ZCWPW2: variants seen among roughly 807,000 people sequenced by gnomAD.
The protein encoded by ZCWPW2 is zinc finger CW-type PWWP domain protein 2.
A neutral mutation model predicts 46.6 loss-of-function variants in ZCWPW2; 45 were observed. The ratio of observed to expected loss-of-function variants is 0.96; its 90% CI spans 0.76 to 1.24. The LOEUF is 1.24. Ranked by LOEUF, ZCWPW2 falls within the 50% of genes most tolerant of loss-of-function variation. The pLI is 0.00. For missense variants in ZCWPW2, 429 were observed against 403.9 expected (o/e 1.06, Z -0.53); for synonymous variants, 152 against 137.1 (o/e 1.11, Z -0.76).
At chr3:28,367,481 C>T (rs926405096) in intron 1 of ZCWPW2, among the ~76,000 whole-genome samples, 1 of 152,162 alleles carries the variant, frequency 6.6e-6, no homozygotes, top group Non-Finnish European at 1.5e-5. Flanking sequence ...ATCCTGAGTT[C>T]TAGTTTGATT....
intron 3 of ZCWPW2, among the ~76,000 whole-genome samples, chr3:28,430,224 G>A (rs138689279): frequency 1.3e-5 from 2 of 152,338 alleles, no homozygotes; most frequent in Admixed American, 1.3e-4. Flanking sequence ...GCCCAAGGCT[G>A]TGGGAGCCCA....
At chr3:28,451,709 C>T (rs1227183017) in intron 4 of ZCWPW2, among the ~76,000 whole-genome samples, 4 of 152,150 alleles carry the variant, frequency 2.6e-5, no homozygotes, top group African/African-American at 9.7e-5. Context: ...GATCCCAATT[C>T]TAAGATGTAG....
intron 5 of ZCWPW2, among the ~76,000 whole-genome samples, chr3:28,484,616 A>G (rs1024848037): frequency 1.3e-5 from 2 of 151,988 alleles, no homozygotes; most frequent in South Asian, 2.1e-4. Context: ...GGGATTTGTT[A>G]TAATGTCTAC....
chr3:28,421,090 G>A (rs1696763556), intron 3 of ZCWPW2, among the ~76,000 whole-genome samples: 1 of 152,094 alleles, frequency 6.6e-6, no homozygotes. Flanking sequence ...AGCAGGATAT[G>A]TGGGAGCACC....
rs577865729 is a variant in ZCWPW2, at chr3:28,432,424, T to A, written c.333-2686T>A. Among the ~76,000 whole-genome samples, 159 of 152,298 alleles carry A rather than the reference T, an allele frequency of 1.0e-3. 2 individuals carry two copies. The highest frequency in any genetic ancestry group is 3.5e-3 in the African/African-American group (147 of 41,562). Reference sequence around the variant, plus strand: ...TAACACTTGACAGCTGTACAGATTTTTGAATGGTTTGGTATATTAGGTATG... The same window carrying A: ...TAACACTTGACAGCTGTACAGATTTATGAATGGTTTGGTATATTAGGTATG... On this transcript the variant is annotated intron_variant, in intron 3 of 9. Coordinates refer to ENST00000383768, the MANE Select transcript of ZCWPW2 (RefSeq NM_001040432.4).
chr3:28,464,775 A>T (rs1057385224), intron 4 of ZCWPW2, among the ~76,000 whole-genome samples: 8 of 152,200 alleles, frequency 5.3e-5, no homozygotes, highest in Admixed American at 5.2e-4. Context: ...TGTTTCTTAC[A>T]TGCTAGAGGA....
intron 1 of ZCWPW2, among the ~76,000 whole-genome samples, chr3:28,350,507 GA>G (rs1191559743): frequency 6.6e-6 from 1 of 152,142 alleles, no homozygotes; most frequent in Non-Finnish European, 1.5e-5. Flanking sequence ...GGTTTATTAA[GA>G]AATGTATTTG....
intron 3 of ZCWPW2, among the ~76,000 whole-genome samples, chr3:28,420,008 G>A (rs1190780875): frequency 1.3e-5 from 2 of 148,954 alleles, no homozygotes; most frequent in Non-Finnish European, 3.0e-5. Context: ...ACACCATCAT[G>A]GCACGTGTAT....
rs565517627 is a variant in ZCWPW2 at position 28,416,927 on chromosome 3, A to C, written c.332+3527A>C. Among the ~76,000 whole-genome samples the C allele has an allele frequency of 2.4e-3, 339 of 143,628 alleles. 1 individual carries two copies. The highest frequency in any genetic ancestry group is 8.1e-3 in the African/African-American group (310 of 38,500). The allele number at this position is 143,628 out of a possible 152,430, so 94.2% of individuals were successfully genotyped here. ...GCTGGATTCGGTTTGCCAGTATTTT[A>C]TTGAGGATTTCTGCATCGATGTTCA... On this transcript the variant is annotated intron_variant, in intron 3 of 9. Transcript: ENST00000383768.
At chr3:28,508,294 C>T (rs566921525) in intron 6 of ZCWPW2, among the ~76,000 whole-genome samples, 15 of 152,170 alleles carry the variant, frequency 9.9e-5, no homozygotes, top group Non-Finnish European at 2.2e-4. Flanking sequence ...GAACAAACAT[C>T]AAAATTATTG....
At chr3:28,435,895 TGAGAA>T (rs773530801) in intron 4 of ZCWPW2, among the ~76,000 whole-genome samples, 52 of 152,340 alleles carry the variant, frequency 3.4e-4, no homozygotes, top group Non-Finnish European at 5.1e-4. Context: ...TAAATTCTCT[TGAGAA>T]GAGGAGACTC....
intron 6 of ZCWPW2, among the ~76,000 whole-genome samples, chr3:28,510,764 C>A (rs983513208): frequency 2.6e-5 from 4 of 152,162 alleles, no homozygotes; most frequent in Non-Finnish European, 5.9e-5. Context: ...CAAGAGGAAC[C>A]TCAACCAACC....
chr3:28,448,079 A>G (rs189567642), intron 4 of ZCWPW2: 68 of 254,436 alleles, frequency 2.7e-4, no homozygotes, highest in Admixed American at 4.7e-4. Flanking sequence ...GCTAAATAAA[A>G]AATGAAGCTT....
intron 1 of ZCWPW2, among the ~76,000 whole-genome samples, chr3:28,366,933 A>C (rs2125698014): frequency 6.6e-6 from 1 of 152,230 alleles, no homozygotes; most frequent in Admixed American, 6.5e-5. Context: ...ATTTGTGTAG[A>C]GGTGTTTATA....
intron 4 of ZCWPW2, among the ~76,000 whole-genome samples, chr3:28,442,641 C>T (rs1476851076): frequency 6.6e-6 from 1 of 152,194 alleles, no homozygotes; most frequent in African/African-American, 2.4e-5. Flanking sequence ...AAGGTATTTG[C>T]CAAGTCAACG....
At chr3:28,444,496 G>A (rs1697907104) in intron 4 of ZCWPW2, among the ~76,000 whole-genome samples, 1 of 152,126 alleles carries the variant, frequency 6.6e-6, no homozygotes, top group Non-Finnish European at 1.5e-5. Context: ...TAAATCTAGT[G>A]TCCCCAGCTT....
intron 4 of ZCWPW2, among the ~76,000 whole-genome samples, chr3:28,435,680 G>T (rs1277875437): frequency 6.6e-6 from 1 of 151,800 alleles, no homozygotes; most frequent in Non-Finnish European, 1.5e-5. Context: ...TAGAGGCGGG[G>T]TTTCACCGTG....
At chr3:28,429,648 T>A (rs1307465836) in intron 3 of ZCWPW2, among the ~76,000 whole-genome samples, 1 of 152,148 alleles carries the variant, frequency 6.6e-6, no homozygotes, top group Non-Finnish European at 1.5e-5. Flanking sequence ...ATCAGAGGTC[T>A]TCATGGTAGC....
chr3:28,495,852 A>T lies in ZCWPW2; in HGVS notation c.657+3679A>T, dbSNP rs557091784. On this transcript the variant is annotated intron_variant, in intron 6 of 9. Transcript: ENST00000383768. ...CTGTGGGTTATAGTAATTTTGGAGA[A>T]TACAAGGTGTTTTACTAGGCAAGGA... Among the ~76,000 whole-genome samples the T allele has an allele frequency of 9.2e-5, 14 of 152,142 alleles. No homozygotes were observed. In the East Asian group the frequency reaches 2.5e-3, roughly 27 times the overall value.
Sources: gnomAD v4.1 joint callset for allele counts (sites outside exome capture counted in the v4.1 genomes callset) on GRCh38, gnomAD v4.1.1 for gene constraint, MANE v1.5 for transcripts, NCBI Gene and HGNC (gene_info 2026-07-23, HGNC 2026-07-21) for gene names.